The following ZNF148 variants were observed in gnomAD, a reference collection of about 807,000 sequenced individuals.
ZNF148 encodes zinc finger protein 148.
A neutral mutation model predicts 67.7 loss-of-function variants in ZNF148; 7 were observed. The observed-to-expected ratio is 0.10, with a 90% CI of 0.06 to 0.19. ZNF148 has a LOEUF of 0.19. Ranked by LOEUF, ZNF148 falls within the 10% of genes least tolerant of loss-of-function variation. The pLI is 1.00. For synonymous variants in ZNF148, 333 were observed against 330.7 expected (o/e 1.01, Z -0.08); for missense variants, 583 against 947.1 (o/e 0.62, Z 5.05).
chr3:125,348,151 C>T (rs1271924572), intron 1 of ZNF148, among the ~76,000 whole-genome samples: 4 of 151,784 alleles, frequency 2.6e-5, no homozygotes, highest in African/African-American at 4.8e-5. Context: ...CCCAGCTACT[C>T]GGGAGGCTGT....
At chr3:125,249,427 A>G (rs1433882236) in intron 7 of ZNF148, among the ~76,000 whole-genome samples, 2 of 152,192 alleles carry the variant, frequency 1.3e-5, no homozygotes, top group African/African-American at 4.8e-5. Flanking sequence ...AATGTACTCA[A>G]CATCACAAAT....
intron 1 of ZNF148, among the ~76,000 whole-genome samples, chr3:125,360,854 A>AAT (rs986981725): frequency 2.7e-5 from 4 of 149,322 alleles, no homozygotes; most frequent in African/African-American, 4.9e-5. Flanking sequence ...AAAATTAAAA[A>AAT]ATATATATAT....
chr3:125,355,089 G>A (rs1942292782), intron 1 of ZNF148, among the ~76,000 whole-genome samples: 1 of 152,128 alleles, frequency 6.6e-6, no homozygotes, highest in Non-Finnish European at 1.5e-5. Context: ...TCTACATACT[G>A]AAGGAGTTAT....
At chr3:125,357,860 A>T (rs1489505069) in intron 1 of ZNF148, 1 of 152,252 alleles carries the variant, frequency 6.6e-6, no homozygotes, top group Non-Finnish European at 1.5e-5. Context: ...AATCTCTTTC[A>T]GTAGCCTCCG....
At chr3:125,345,958 G>A (rs913710811) in intron 1 of ZNF148, among the ~76,000 whole-genome samples, 1 of 152,174 alleles carries the variant, frequency 6.6e-6, no homozygotes, top group Admixed American at 6.5e-5. Flanking sequence ...AAAACTTGGG[G>A]AGAATATTCT....
chr3:125,326,955 G>A (rs1941055923), intron 2 of ZNF148, among the ~76,000 whole-genome samples: 1 of 150,952 alleles, frequency 6.6e-6, no homozygotes, highest in Non-Finnish European at 1.5e-5. Flanking sequence ...GGTCTAAATA[G>A]TCCAGTGGAA....
At chr3:125,241,199 C>T (rs1172888049) in intron 7 of ZNF148, among the ~76,000 whole-genome samples, 3 of 151,976 alleles carry the variant, frequency 2.0e-5, no homozygotes, top group African/African-American at 7.2e-5. Context: ...AAAATCAAAA[C>T]ACTTAAAAAG....
chr3:125,360,505 C>T (rs944076024), intron 1 of ZNF148, among the ~76,000 whole-genome samples: 1 of 151,926 alleles, frequency 6.6e-6, no homozygotes, highest in East Asian at 1.9e-4. Flanking sequence ...AGGCTGGTCT[C>T]GAACTCCTGA....
Position 125,233,262 on chromosome 3 carries a change from C to T in ZNF148, c.1464G>A (p.Ala488=), listed in dbSNP as rs375626696. 4.0e-5 allele frequency: 65 copies of T among 1,613,770 alleles called. No individual in the cohort carries two copies. The highest frequency in any genetic ancestry group is 3.3e-4 in the Middle Eastern group (2 of 6,078). ...QAASNNSREY[A]LNVGTIASQP... is the part of the protein sequence containing the mutation. ...GAGAAGCTATGGTACCCACATTCAGCGCATATTCCCTGCTGTTGTTACTTG... is the reference window on the plus strand; with the variant it reads ...GAGAAGCTATGGTACCCACATTCAGTGCATATTCCCTGCTGTTGTTACTTG... Residue 488 remains alanine (A), a synonymous_variant, in exon 9 of 9, where the codon GCG becomes GCA. Transcript: ENST00000360647. The surrounding 1 kb of genome is among the most constrained non-coding windows in gnomAD (Gnocchi z 5.1).
chr3:125,232,363 G>T lies in ZNF148; in HGVS notation c.2363C>A (p.Thr788Lys). 6.3e-7 allele frequency: 1 copy of T among 1,591,788 alleles called. No homozygotes were observed. Among genetic ancestry groups the T allele is most frequent in the Non-Finnish European group, 8.6e-7 (1 of 1,166,342 alleles). ...RAGMTSSPDATTGQTFG is the reference protein window; with the variant it reads ...RAGMTSSPDAKTGQTFG ...TTTTTAGCCAAAAGTCTGGCCAGTT[G>T]TGGCATCAGGTGAAGATGTCATCCC... The change falls in exon 9 of 9, where the codon ACA (threonine) becomes AAA (lysine). Residue 788 changes from threonine to lysine, a missense_variant. By Grantham distance (78) the Thr-to-Lys change is moderately conservative. Transcript: ENST00000360647. The surrounding 1 kb of genome is among the most constrained non-coding windows in gnomAD (Gnocchi z 4.2).
intron 1 of ZNF148, among the ~76,000 whole-genome samples, chr3:125,335,049 T>C (rs928929869): frequency 1.3e-5 from 2 of 149,610 alleles, no homozygotes; most frequent in South Asian, 4.3e-4. Context: ...CCATTTGAAA[T>C]TGCAACATCC....
intron 1 of ZNF148, among the ~76,000 whole-genome samples, chr3:125,348,870 C>G (rs770045989): frequency 6.6e-6 from 1 of 152,126 alleles, no homozygotes; most frequent in Non-Finnish European, 1.5e-5. Flanking sequence ...CAGTATGGTA[C>G]TGGCATAAAA....
intron 7 of ZNF148, among the ~76,000 whole-genome samples, chr3:125,272,080 C>T (rs1215148229): frequency 2.0e-5 from 3 of 152,220 alleles, no homozygotes; most frequent in Non-Finnish European, 4.4e-5. Flanking sequence ...TGTGATGACA[C>T]TTGACTCCCA....
At chr3:125,259,736 C>T (rs183101722) in intron 7 of ZNF148, among the ~76,000 whole-genome samples, 2 of 152,306 alleles carry the variant, frequency 1.3e-5, no homozygotes, top group Non-Finnish European at 2.9e-5. Context: ...CTGAGGAAGG[C>T]AGACCACTTG....
chr3:125,250,657 A>G (rs1298214538), intron 7 of ZNF148, among the ~76,000 whole-genome samples: 1 of 152,252 alleles, frequency 6.6e-6, no homozygotes, highest in East Asian at 1.9e-4. Context: ...TCTTCCAGGT[A>G]GATGACAGCA....
At chr3:125,344,784 T>C (rs1161168816) in intron 1 of ZNF148, 5 of 466,572 alleles carry the variant, frequency 1.1e-5, no homozygotes, top group South Asian at 5.7e-5. Flanking sequence ...TAGAACTTCA[T>C]AGTAATCCAT....
intron 5 of ZNF148, among the ~76,000 whole-genome samples, chr3:125,285,660 C>T (rs1468367718): frequency 6.6e-6 from 1 of 152,058 alleles, no homozygotes; most frequent in African/African-American, 2.4e-5. Context: ...TCCCAAAGTG[C>T]TAGGATTACA....
At chr3:125,327,557 A>G (rs2107703515) in intron 2 of ZNF148, among the ~76,000 whole-genome samples, 1 of 152,344 alleles carries the variant, frequency 6.6e-6, no homozygotes, top group Non-Finnish European at 1.5e-5. Context: ...AACGTGGCCC[A>G]TGCCTGTAAC....
intron 1 of ZNF148, among the ~76,000 whole-genome samples, chr3:125,361,455 T>C (rs879097551): frequency 1.3e-5 from 2 of 152,042 alleles, no homozygotes; most frequent in Non-Finnish European, 2.9e-5. Flanking sequence ...CTCAAGAACT[T>C]TCTACACCCT....
Sources: allele counts gnomAD v4.1 joint callset (sites outside exome capture counted in the v4.1 genomes callset), GRCh38; gene constraint gnomAD v4.1.1; non-coding constraint Gnocchi (gnomAD v3.1); transcripts MANE v1.5; gene names NCBI Gene and HGNC (gene_info 2026-07-23, HGNC 2026-07-21).